SRBD1: variants seen among roughly 807,000 people sequenced by gnomAD.
SRBD1 encodes S1 RNA-binding domain-containing protein 1.
In SRBD1, 88 loss-of-function variants were observed where a neutral mutation model predicts 115.3. The ratio of observed to expected loss-of-function variants is 0.76; its 90% CI spans 0.64 to 0.91. SRBD1 has a LOEUF of 0.91. Among genes scored for constraint, SRBD1 ranks in the 40% least tolerant of loss-of-function variants. SRBD1 has a pLI of 0.00. For missense variants in SRBD1, 1,385 were observed against 1,177.4 expected (o/e 1.18, Z -2.58); for synonymous variants, 509 against 407.7 (o/e 1.25, Z -2.99).
At chr2:45,474,799 G>A (rs1464976109) in intron 16 of SRBD1, among the ~76,000 whole-genome samples, 3 of 152,084 alleles carry the variant, frequency 2.0e-5, no homozygotes, top group Non-Finnish European at 2.9e-5. Context: ...ATCCACTAAT[G>A]GGAGGGACCC....
At chr2:45,441,482 G>T (rs1329624959) in intron 16 of SRBD1, among the ~76,000 whole-genome samples, 1 of 152,166 alleles carries the variant, frequency 6.6e-6, no homozygotes, top group Non-Finnish European at 1.5e-5. Flanking sequence ...TCTAACTGCT[G>T]CTTTAATTTT....
intron 1 of SRBD1, among the ~76,000 whole-genome samples, chr2:45,610,690 G>A (rs1674418041): frequency 6.6e-6 from 1 of 152,216 alleles, no homozygotes; most frequent in Admixed American, 6.5e-5. Context: ...AGAAGGTGCA[G>A]TTGATTCAGA....
At chr2:45,484,022 A>G (rs1670042951) in intron 15 of SRBD1, among the ~76,000 whole-genome samples, 1 of 152,118 alleles carries the variant, frequency 6.6e-6, no homozygotes, top group Admixed American at 6.6e-5. Context: ...TTATGTAAAT[A>G]TATCTCCAAA....
chr2:45,495,938 C>T (rs771082161), intron 14 of SRBD1, among the ~76,000 whole-genome samples: 1 of 152,190 alleles, frequency 6.6e-6, no homozygotes, highest in Non-Finnish European at 1.5e-5. Context: ...CCCCACAAAG[C>T]ACCCAAAAGT....
At chr2:45,609,377 T>C (rs1674374691) in intron 1 of SRBD1, among the ~76,000 whole-genome samples, 1 of 152,170 alleles carries the variant, frequency 6.6e-6, no homozygotes, top group Admixed American at 6.5e-5. Context: ...GAGCCTTTAG[T>C]CCTCAACCTC....
In SRBD1 at chr2:45,592,379, G is replaced by A. The variant is rs188914914; in HGVS notation, c.649-6605C>T. Among the ~76,000 whole-genome samples, 324 of 152,178 alleles carry A rather than the reference G, an allele frequency of 2.1e-3. 1 individual carries two copies. Among genetic ancestry groups the A allele is most frequent in the African/African-American group, 7.3e-3 (305 of 41,520 alleles). ...AGCATAAGGAGGGCACTGCACATGC[G>A]GGCAGCCCACTCTAAGGGAAGAATC... On this transcript the variant is annotated intron_variant, in intron 4 of 20. Transcript: ENST00000263736.
chr2:45,411,905 G>A (rs1190828633), intron 19 of SRBD1, among the ~76,000 whole-genome samples: 1 of 152,132 alleles, frequency 6.6e-6, no homozygotes, highest in Admixed American at 6.6e-5. Flanking sequence ...GAGTCCAGGA[G>A]TTTGAAACCA....
chr2:45,497,743 T>A (rs1161798855), intron 14 of SRBD1, among the ~76,000 whole-genome samples: 1 of 151,940 alleles, frequency 6.6e-6, no homozygotes, highest in Admixed American at 6.6e-5. Context: ...TTTTTTTTTT[T>A]AAGAAACTGC....
At chr2:45,459,063 A>C (rs916493016) in intron 16 of SRBD1, among the ~76,000 whole-genome samples, 1 of 152,028 alleles carries the variant, frequency 6.6e-6, no homozygotes, top group Non-Finnish European at 1.5e-5. Context: ...CAAACTACAG[A>C]GTTTGTTTCT....
chr2:45,611,237 A>G lies in SRBD1; in HGVS notation c.-19T>C, dbSNP rs1490671561. ...AGCTCACCTTCCCGCCCGGCACGTCAGAAGACCCGAGATTCCGTGAGTGCC... is the reference window on the plus strand; with the variant it reads ...AGCTCACCTTCCCGCCCGGCACGTCGGAAGACCCGAGATTCCGTGAGTGCC... On this transcript the variant is annotated 5_prime_UTR_variant, in exon 1 of 21. Transcript: ENST00000263736. The G allele has an allele frequency of 2.6e-5, 4 of 151,710 alleles. No homozygotes were observed. The highest frequency in any genetic ancestry group is 4.8e-5 in the African/African-American group (2 of 41,436). The allele number at this position is 151,710 out of a possible 1,614,324, so 9.4% of individuals were successfully genotyped here. A position where few individuals can be genotyped will look rare whatever the true frequency, so the allele number is the denominator to read the frequency against.
chr2:45,554,422 T>A (rs1380882625), intron 10 of SRBD1, among the ~76,000 whole-genome samples: 1 of 152,198 alleles, frequency 6.6e-6, no homozygotes, highest in Non-Finnish European at 1.5e-5. Flanking sequence ...GTATCCTTTT[T>A]TCCCCCTTTC....
At chr2:45,516,700 A>C (rs1671129162) in intron 14 of SRBD1, among the ~76,000 whole-genome samples, 1 of 152,242 alleles carries the variant, frequency 6.6e-6, no homozygotes, top group African/African-American at 2.4e-5. Flanking sequence ...AGAGGTATAA[A>C]AACATACATT....
chr2:45,479,272 C>T (rs555526501), intron 15 of SRBD1, among the ~76,000 whole-genome samples: 4 of 152,108 alleles, frequency 2.6e-5, no homozygotes, highest in South Asian at 4.1e-4. Flanking sequence ...AAGAGTCGCA[C>T]GTCTCTCACT....
intron 16 of SRBD1, chr2:45,447,861 T>A (rs1004824231): frequency 6.6e-6 from 1 of 152,188 alleles, no homozygotes; most frequent in African/African-American, 2.4e-5. Context: ...GGGCAGAGAA[T>A]ATTTACATCA....
intron 20 of SRBD1, among the ~76,000 whole-genome samples, 199 bp downstream of exon 20, chr2:45,392,746 G>A (rs1667038012): frequency 6.6e-6 from 1 of 152,220 alleles, no homozygotes; most frequent in South Asian, 2.1e-4. Flanking sequence ...GGTCCAGGGA[G>A]ACCACCTGGC....
intron 14 of SRBD1, among the ~76,000 whole-genome samples, chr2:45,543,754 T>A (rs1271973886): frequency 3.3e-5 from 5 of 152,320 alleles, no homozygotes; most frequent in Non-Finnish European, 7.4e-5. Context: ...CAAAAGCACA[T>A]ATTAGCAAAC....
chr2:45,538,685 T>A (rs981827612), intron 14 of SRBD1, among the ~76,000 whole-genome samples: 1 of 152,178 alleles, frequency 6.6e-6, no homozygotes, highest in African/African-American at 2.4e-5. Context: ...GAGGAGGTAG[T>A]AAAGAAAAAG....
At chr2:45,423,270 G>T (rs1310185729) in intron 16 of SRBD1, among the ~76,000 whole-genome samples, 1 of 152,182 alleles carries the variant, frequency 6.6e-6, no homozygotes, top group Admixed American at 6.5e-5. Context: ...ATGTGAATGT[G>T]AAGCAAATGG....
chr2:45,393,193 A>G, intron 19 of SRBD1, 64 bp from the exon 20 acceptor site: 2 of 1,466,524 alleles, frequency 1.4e-6, no homozygotes, highest in Non-Finnish European at 1.8e-6. Flanking sequence ...ATCTCCTTAT[A>G]CAGATCACCC....
Sources: allele counts gnomAD v4.1 joint callset (sites outside exome capture counted in the v4.1 genomes callset), GRCh38; gene constraint gnomAD v4.1.1; transcripts MANE v1.5; gene names NCBI Gene and HGNC (gene_info 2026-07-23, HGNC 2026-07-21).